Variants in ADCY5 observed in about 807,000 individuals in gnomAD.
ADCY5 encodes the protein adenylate cyclase type 5.
In ADCY5, 30 loss-of-function variants were observed where a neutral mutation model predicts 119.7. The ratio of observed to expected loss-of-function variants is 0.25; its 90% confidence interval spans 0.19 to 0.34. The LOEUF is 0.34. Among genes scored for constraint, ADCY5 ranks in the 10% least tolerant of loss-of-function variants. The pLI is 1.00. For missense variants in ADCY5, 1,324 were observed against 1,775.2 expected (o/e 0.75, Z 4.57); for synonymous variants, 753 against 762.2 (o/e 0.99, Z 0.20).
intron 8 of ADCY5, among the ~76,000 whole-genome samples, chr3:123,322,575 G>A (rs1010495482): frequency 1.2e-4 from 18 of 152,058 alleles, no homozygotes; most frequent in Admixed American, 5.9e-4. Context: ...CTCAAATCCC[G>A]CCACCTACTT....
chr3:123,413,079 C>T (rs776173463), intron 1 of ADCY5, among the ~76,000 whole-genome samples: 1 of 152,206 alleles, frequency 6.6e-6, no homozygotes, highest in Non-Finnish European at 1.5e-5. Context: ...CCGGCTCCTC[C>T]GGGACGGGAC....
At chr3:123,348,842 T>C (rs1195559682) in intron 2 of ADCY5, among the ~76,000 whole-genome samples, 3 of 152,152 alleles carry the variant, frequency 2.0e-5, no homozygotes, top group Non-Finnish European at 4.4e-5. Flanking sequence ...CAGCCTTTCA[T>C]TTTGGCTGCC....
chr3:123,328,125 T>C (rs1257384263), intron 6 of ADCY5, among the ~76,000 whole-genome samples: 5 of 152,246 alleles, frequency 3.3e-5, no homozygotes, highest in African/African-American at 9.6e-5. Context: ...CTGGCACTCA[T>C]GCCTTCTGAA....
At chr3:123,390,434 C>T (rs1331687838) in intron 1 of ADCY5, among the ~76,000 whole-genome samples, 31 of 152,196 alleles carry the variant, frequency 2.0e-4, no homozygotes, top group Admixed American at 2.0e-3. Flanking sequence ...TCATGGGAGA[C>T]CTGTTTGGCA....
chr3:123,352,578 C>G lies in ADCY5; in HGVS notation c.1138G>C (p.Val380Leu), dbSNP rs759579355. The change falls in exon 2 of 21, where the codon GTC (valine) becomes CTC (leucine). Residue 380 changes from valine (V) to leucine (L), a missense_variant. Transcript: ENST00000462833. The surrounding 1 kb of genome is among the most constrained non-coding windows in gnomAD (Gnocchi z 4.8). ...CAGGAGAAAATGAGAACATTGGAGA[C>G]AAGCTGCAGAGGGAGAGAGGAGCAC... ...AQDQFLLKQLVSNVLIFSCTN... is the reference protein window; with the variant it reads ...AQDQFLLKQLLSNVLIFSCTN... 6.2e-7 allele frequency: 1 copy of G among 1,609,698 alleles called. No individual in the cohort carries two copies. Among genetic ancestry groups the G allele is most frequent in the South Asian group, 1.1e-5 (1 of 90,702 alleles).
At chr3:123,289,600 G>A in intron 19 of ADCY5, 150 bp downstream of exon 19, 1 of 893,380 alleles carries the variant, frequency 1.1e-6, no homozygotes, top group Non-Finnish European at 1.7e-6. Flanking sequence ...ACCTACTAAG[G>A]GCAGGGAACA....
chr3:123,379,815 TA>T (rs954642885), intron 1 of ADCY5, among the ~76,000 whole-genome samples: 6 of 152,176 alleles, frequency 3.9e-5, no homozygotes, highest in African/African-American at 1.4e-4. Context: ...GACTCCAGCC[TA>T]AAAAGGCTTC....
rs533920594 is a variant in ADCY5 at position 123,340,900 on chromosome 3, G to A, written c.1406+6882C>T. 1.4e-3 allele frequency among the ~76,000 whole-genome samples: 217 copies of A among 152,158 alleles called. 1 individual carries two copies. Among genetic ancestry groups the A allele is most frequent in the African/African-American group, 4.9e-3 (204 of 41,502 alleles). On this transcript the variant is annotated intron_variant, in intron 3 of 20. Coordinates refer to ENST00000462833, the MANE Select transcript of ADCY5 (RefSeq NM_183357.3). ...AGCACTTTGGGAGGCTGAGGCAGGC[G>A]GATCACCTGAGGTCAGGAGTTTGAG...
At chr3:123,308,028 C>CTTTTTTTTTTTTTTTTT (rs1178147327) in intron 12 of ADCY5, among the ~76,000 whole-genome samples, 1 of 85,658 alleles carries the variant, frequency 1.2e-5, no homozygotes, top group Non-Finnish European at 2.1e-5. Context: ...TTTTCATGCT[C>CTTTTTTTTTTTTTTTTT]TTTTTTTTTT....
In ADCY5 at chr3:123,296,849, A is replaced by T. The variant is rs193259223; in HGVS notation, c.2930+504T>A. 6.9e-4 allele frequency: 460 copies of T among 666,396 alleles called. 2 individuals are homozygous for T. In the African/African-American group the frequency reaches 7.5e-3, roughly 11 times the overall value. 41.3% of individuals were successfully genotyped at this position (666,396 alleles called of 1,614,324 possible). ...CTCTTAACAAAAGCAGCCATTCCAA[A>T]TCCTACGTCTTGTGCCTGCCAAGAG... On this transcript the variant is annotated intron_variant, in intron 16 of 20. Transcript: ENST00000462833.
chr3:123,350,235 GGCC>G (rs1423973177), intron 2 of ADCY5, among the ~76,000 whole-genome samples: 1 of 152,194 alleles, frequency 6.6e-6, no homozygotes, highest in Non-Finnish European at 1.5e-5. Context: ...CCACATCAGT[GGCC>G]TGTTAACTGT....
At chr3:123,290,760 A>T (rs1383525857) in intron 18 of ADCY5, among the ~76,000 whole-genome samples, 1 of 152,122 alleles carries the variant, frequency 6.6e-6, no homozygotes, top group Non-Finnish European at 1.5e-5. Flanking sequence ...CCTAGATGGC[A>T]CAAGAGGAAT....
intron 3 of ADCY5, among the ~76,000 whole-genome samples, chr3:123,347,329 C>G (rs1423176761): frequency 3.3e-5 from 5 of 152,118 alleles, no homozygotes; most frequent in African/African-American, 1.2e-4. Context: ...GCAGTGCTGT[C>G]AGGAGGACTG....
chr3:123,283,765 A>AAAT lies in ADCY5; in HGVS notation c.*840_*842dup, dbSNP rs1938534943. On this transcript the variant is annotated 3_prime_UTR_variant, in exon 21 of 21. Coordinates refer to ENST00000462833, the MANE Select transcript of ADCY5 (RefSeq NM_183357.3). Reference sequence around the variant, plus strand: ...TGTTTTCTAATATAGAGAATTTACAAAATATAGAATTTGGCATATCTATCT... The same window carrying AAAT: ...TGTTTTCTAATATAGAGAATTTACAAAATAATATAGAATTTGGCATATCTATCT... 1 of 151,662 alleles carries AAAT rather than the reference A, an allele frequency of 6.6e-6. No homozygotes were observed. Among genetic ancestry groups the AAAT allele is most frequent in the African/African-American group, 2.4e-5 (1 of 40,946 alleles). The allele number at this position is 151,662 out of a possible 1,614,324, so 9.4% of individuals were successfully genotyped here. A position where few individuals can be genotyped will look rare whatever the true frequency, so the allele number is the denominator to read the frequency against.
rs746468758 is a variant in ADCY5, at chr3:123,355,350, C to A, written c.1135-2769G>T. Among the ~76,000 whole-genome samples the A allele has an allele frequency of 4.7e-4, 71 of 152,248 alleles. 1 individual carries two copies. The highest frequency in any genetic ancestry group is 5.9e-4 in the Admixed American group (9 of 15,294). ...AAAATTTTTAAAGGTATAGTTGGCT[C>A]TCTGTATCTACAGGTTTTGCATCTG... On this transcript the variant is annotated intron_variant, in intron 1 of 20. Coordinates refer to ENST00000462833, the MANE Select transcript of ADCY5 (RefSeq NM_183357.3).
intron 18 of ADCY5, 116 bp downstream of exon 18, chr3:123,290,997 T>A: frequency 7.3e-7 from 1 of 1,365,232 alleles, no homozygotes. Flanking sequence ...GCTCCCATCA[T>A]CACTGCTTAT....
chr3:123,297,284 C>T, intron 16 of ADCY5, 69 bp downstream of exon 16: 2 of 1,580,492 alleles, frequency 1.3e-6, no homozygotes, highest in Non-Finnish European at 1.7e-6. Context: ...CACCTGGGCA[C>T]CAGCTGCCCT....
At chr3:123,423,569 C>T (rs903720531) in intron 1 of ADCY5, among the ~76,000 whole-genome samples, 1 of 152,122 alleles carries the variant, frequency 6.6e-6, no homozygotes, top group Non-Finnish European at 1.5e-5. Flanking sequence ...AGGTGCAATA[C>T]CCGTTTCTGT....
intron 13 of ADCY5, among the ~76,000 whole-genome samples, chr3:123,303,818 C>T (rs2108267402): frequency 7.3e-6 from 1 of 136,592 alleles, no homozygotes; most frequent in African/African-American, 2.6e-5. Flanking sequence ...GAGTAAGACT[C>T]TGTCTCAAAA....
Sources: gnomAD v4.1 joint callset for allele counts (sites outside exome capture counted in the v4.1 genomes callset) on GRCh38, gnomAD v4.1.1 for gene constraint, Gnocchi (gnomAD v3.1) non-coding constraint, MANE v1.5 for transcripts, NCBI Gene and HGNC (gene_info 2026-07-23, HGNC 2026-07-21) for gene names.